The following C2 variants were observed in gnomAD, a reference collection of about 807,000 sequenced individuals.
C2 encodes complement C2, also known as C3/C5 convertase.
In C2, 64 loss-of-function variants were observed where a neutral mutation model predicts 85.2. The observed-to-expected ratio is 0.75, with a 90% confidence interval of 0.61 to 0.92. The LOEUF (loss-of-function observed/expected upper bound fraction) is 0.92, where lower values mean the gene tolerates loss of function less well. Among genes scored for constraint, C2 ranks in the 40% least tolerant of loss-of-function variants. C2 has a pLI of 0.00. For missense variants in C2, 820 were observed against 971.6 expected, an observed-to-expected ratio of 0.84 and a Z score of 2.07; for synonymous variants, 311 against 370.8, an observed-to-expected ratio of 0.84 and a Z score of 1.85.
chr6:31,928,167 G>T lies in C2; in HGVS notation c.256+3G>T. 1 of 1,604,008 alleles carries T rather than the reference G, an allele frequency of 6.2e-7. No homozygotes were observed. Among genetic ancestry groups the T allele is most frequent in the Non-Finnish European group, 8.5e-7 (1 of 1,178,248 alleles). On this transcript the variant is annotated splice_donor_region_variant and intron_variant, in intron 2 of 17. Transcript: ENST00000299367. ...TCTGTCTAAGGCGGTCTGCAAACGT[G>T]AGGCTCCCTGTGGGCTTTGCTCAGG...
upstream of C2, among the ~76,000 whole-genome samples, chr6:31,917,029 G>A (rs1768578644): frequency 6.6e-6 from 1 of 151,164 alleles, no homozygotes; most frequent in Non-Finnish European, 1.5e-5. Context: ...AAAATTAGCC[G>A]GCGTGCTGGT....
upstream of C2, among the ~76,000 whole-genome samples, chr6:31,918,171 G>A (rs1320725776): frequency 1.3e-5 from 2 of 152,070 alleles, no homozygotes; most frequent in Non-Finnish European, 2.9e-5. Context: ...TGTAATCTCA[G>A]CTACTCAGGA....
chr6:31,916,890 G>T (rs1450532012), upstream of C2, among the ~76,000 whole-genome samples: 3 of 50,686 alleles, frequency 5.9e-5, no homozygotes, highest in Non-Finnish European at 1.1e-4. Flanking sequence ...AAAAAAAAAA[G>T]GCTGGCTGTG....
At chr6:31,934,579 A>G in intron 6 of C2, 1 of 1,438,570 alleles carries the variant, frequency 7.0e-7, no homozygotes, top group Non-Finnish European at 9.1e-7. Context: ...AGTGGTCTCC[A>G]CAGAAAGGTA....
Position 31,939,510 on chromosome 6 carries a change from CT to C in C2, c.1219+211del, listed in dbSNP as rs896123643. Among the ~76,000 whole-genome samples, 463 of 126,402 alleles carry C rather than the reference CT, an allele frequency of 3.7e-3. 1 individual carries two copies. Among genetic ancestry groups the C allele is most frequent in the Middle Eastern group, 7.9e-3 (2 of 252 alleles). 82.9% of individuals were successfully genotyped at this position (126,402 alleles called of 152,430 possible). On this transcript the variant is annotated intron_variant, in intron 9 of 17. Coordinates refer to ENST00000299367, the MANE Select transcript of C2 (RefSeq NM_000063.6). Reference sequence around the variant, plus strand: ...CTGCCCATGGTCTCAACCTTACCTTCTTTTTTTTTTTTTTTTTTTTTAAGAC... The same window carrying C: ...CTGCCCATGGTCTCAACCTTACCTTCTTTTTTTTTTTTTTTTTTTTAAGAC...
At chr6:31,906,858 C>T (rs895566582) in intron 1 of C2, among the ~76,000 whole-genome samples, 1 of 151,656 alleles carries the variant, frequency 6.6e-6, no homozygotes, top group South Asian at 2.1e-4. Flanking sequence ...TTTGTAGGGC[C>T]GGGTGCAGTG....
Position 31,934,374 on chromosome 6 carries a change from C to T in C2, c.849+75C>T, listed in dbSNP as rs112228585. ...TCTCTCTCTGTCTCCTTCCCCTCCT[C>T]AGAACCCCACTCACAGCCCACCTCC... On this transcript the variant is annotated intron_variant, in intron 6 of 17. Transcript: ENST00000299367. The T allele has an allele frequency of 5.3e-4, 852 of 1,592,906 alleles. 7 individuals carry two copies. The Middle Eastern group carries it at 0.011, about 20-fold the overall frequency.
At position 31,943,535 on chromosome 6, in the gene C2, A is replaced by G; in HGVS notation, c.1567+8A>G. ...TGTGGAGGGTCAATGTGGGTAAGGC[A>G]GGGGATGCACCAGCCTCCTGATCCT... On this transcript the variant is annotated splice_region_variant and intron_variant, in intron 12 of 17. Transcript: ENST00000299367. The surrounding 1 kb of genome is among the most constrained non-coding windows in gnomAD (Gnocchi z 6.4). 1 of 1,609,246 alleles carries G rather than the reference A, an allele frequency of 6.2e-7. No homozygotes were observed. Among genetic ancestry groups the G allele is most frequent in the Non-Finnish European group, 8.5e-7 (1 of 1,176,588 alleles).
chr6:31,934,283 C>A lies in C2; in HGVS notation c.833C>A (p.Ser278Tyr). ...NDFLIFKESA[S>Y]LMVDRIFSFE... ...TTTCTCATCTTCAAGGAGAGCGCCT[C>A]CCTCATGGTGGACAGGGTCAGGAAT... Residue 278 changes from serine (S) to tyrosine (Y), a missense_variant, in exon 6 of 18, where the codon TCC (serine) becomes TAC (tyrosine). Ser to Tyr is a moderately radical substitution (Grantham distance 144). Coordinates refer to ENST00000299367, the MANE Select transcript of C2 (RefSeq NM_000063.6). The A allele has an allele frequency of 1.9e-6, 3 of 1,614,014 alleles. No homozygotes were observed. Among genetic ancestry groups the A allele is most frequent in the Non-Finnish European group, 2.5e-6 (3 of 1,179,916 alleles).
intron 9 of C2, among the ~76,000 whole-genome samples, chr6:31,940,881 C>T (rs542109420): frequency 3.9e-5 from 6 of 152,336 alleles, no homozygotes; most frequent in South Asian, 2.1e-4. Flanking sequence ...TCTCTTGGTC[C>T]ACCTAAGCAC....
intron 3 of C2, among the ~76,000 whole-genome samples, chr6:31,930,618 G>A (rs936623901): frequency 2.0e-5 from 3 of 152,182 alleles, no homozygotes; most frequent in African/African-American, 7.2e-5. Context: ...ATTTGCCTGT[G>A]GGTTTGGGAG....
Position 31,928,785 on chromosome 6 carries a change from C to T in C2, c.310C>T (p.Leu104=). Residue 104 remains leucine, a synonymous_variant, in exon 3 of 18, where the codon CTG becomes TTG. Coordinates refer to ENST00000299367, the MANE Select transcript of C2 (RefSeq NM_000063.6). ...SFENGIYTPR[L]GSYPVGGNVS... ...TGAGAATGGCATTTATACCCCACGG[C>T]TGGGGTCCTATCCCGTGGGTGGCAA... 1 of 1,614,154 alleles carries T rather than the reference C, an allele frequency of 6.2e-7. No individual in the cohort carries two copies. The highest frequency in any genetic ancestry group is 8.5e-7 in the Non-Finnish European group (1 of 1,179,950).
intron 7 of C2, chr6:31,936,299 T>C: frequency 1.8e-6 from 1 of 542,654 alleles, no homozygotes; most frequent in Non-Finnish European, 3.3e-6. Context: ...TTCAATTCCT[T>C]CCAGTTGCCA....
chr6:31,899,328 C>G (rs1002455041), upstream of C2, among the ~76,000 whole-genome samples: 3 of 150,720 alleles, frequency 2.0e-5, no homozygotes, highest in Non-Finnish European at 3.0e-5. Context: ...GATGCGCACC[C>G]CACGTTCTCT....
upstream of C2, among the ~76,000 whole-genome samples, chr6:31,923,404 A>G (rs1769087385): frequency 6.6e-6 from 1 of 152,208 alleles, no homozygotes; most frequent in Non-Finnish European, 1.5e-5. Context: ...GGCCTGAAGG[A>G]GGCTGATGAG....
At chr6:31,900,593 G>A, upstream of C2, 1 of 1,612,594 alleles carries the variant, frequency 6.2e-7, no homozygotes, top group Non-Finnish European at 8.5e-7. This position sits in a 1 kb window ranked among gnomAD's most constrained non-coding sequence, Gnocchi z 9.7. Flanking sequence ...GCCACCCACG[G>A]AGCCTCCAAT....
At position 31,930,244 on chromosome 6, in the gene C2, G is replaced by A. The variant is rs192820439; in HGVS notation, c.442+1327G>A. Among the ~76,000 whole-genome samples, 37 of 151,976 alleles carry A rather than the reference G, an allele frequency of 2.4e-4. No homozygotes were observed. The East Asian group carries it at 4.9e-3, about 20-fold the overall frequency. On this transcript the variant is annotated intron_variant, in intron 3 of 17. Transcript: ENST00000299367. ...TTACAGGCATGCGCCACCATGCCTC[G>A]GTAATTTTCTATTCTTAGTAGGGAC...
At chr6:31,931,885 G>A (rs1769794250) in intron 3 of C2, among the ~76,000 whole-genome samples, 2 of 149,116 alleles carry the variant, frequency 1.3e-5, no homozygotes, top group Non-Finnish European at 3.0e-5. Context: ...GGCTGGCCGG[G>A]CGGGGGGCTG....
rs1768951656 is a variant in C2 at position 31,921,298 on chromosome 6, C to A, written c.-100+1272C>A. Among the ~76,000 whole-genome samples the A allele has an allele frequency of 6.6e-6, 1 of 151,818 alleles. No homozygotes were observed. Among genetic ancestry groups the A allele is most frequent in the Non-Finnish European group, 1.5e-5 (1 of 67,960 alleles). ...GATAGCTCATTGTTTAAAAAAAAAA[C>A]TCCTGGATCCTTCCTCTGGGGAGCT... On this transcript the variant is annotated intron_variant, in intron 1 of 3. Transcript: ENST00000413154. The surrounding 1 kb of genome is among the most constrained non-coding windows in gnomAD (Gnocchi z 4.6).
Sources: gnomAD v4.1 joint callset for allele counts (sites outside exome capture counted in the v4.1 genomes callset) on GRCh38, gnomAD v4.1.1 for gene constraint, Gnocchi (gnomAD v3.1) non-coding constraint, MANE v1.5 for transcripts, NCBI Gene and HGNC (gene_info 2026-07-23, HGNC 2026-07-21) for gene names.